The following NPFFR2 variants were observed in gnomAD, a reference collection of about 807,000 sequenced individuals.
The protein encoded by NPFFR2 is G-protein coupled receptor 74.
In NPFFR2, 15 loss-of-function variants were observed where a neutral mutation model predicts 13.1. The observed-to-expected ratio is 1.15, with a 90% CI of 0.77 to 1.76. The LOEUF is 1.76. Among genes scored for constraint, NPFFR2 ranks in the 40% most tolerant of loss-of-function variants. NPFFR2 has a pLI of 0.00. For synonymous variants in NPFFR2, 190 were observed against 175.7 expected (o/e 1.08, Z -0.65); for missense variants, 572 against 503.5 (o/e 1.14, Z -1.30).
At chr4:72,034,390 A>C (rs1718992803) in intron 1 of NPFFR2, among the ~76,000 whole-genome samples, 2 of 152,192 alleles carry the variant, frequency 1.3e-5, no homozygotes, top group East Asian at 3.9e-4. Flanking sequence ...ACGAAGGAGA[A>C]ACGCCAAGCC....
chr4:72,127,303 CA>C (rs772559589), intron 1 of NPFFR2, among the ~76,000 whole-genome samples: 245 of 11,396 alleles, frequency 0.021, no homozygotes, highest in African/African-American at 0.066. Flanking sequence ...GACTCCATCT[CA>C]AAAAAAAAAA....
chr4:72,067,719 T>C (rs1720115107), intron 1 of NPFFR2, among the ~76,000 whole-genome samples: 1 of 152,210 alleles, frequency 6.6e-6, no homozygotes, highest in African/African-American at 2.4e-5. Context: ...CCACCAAATT[T>C]CCTAGTTCAT....
chr4:72,139,055 G>A (rs916925503), intron 3 of NPFFR2, among the ~76,000 whole-genome samples: 3 of 152,188 alleles, frequency 2.0e-5, no homozygotes, highest in Non-Finnish European at 4.4e-5. Flanking sequence ...CTGCACAAAT[G>A]TCTTCTTTTG....
chr4:72,066,720 A>C (rs540315468), intron 1 of NPFFR2, among the ~76,000 whole-genome samples: 2 of 152,306 alleles, frequency 1.3e-5, no homozygotes, highest in African/African-American at 2.4e-5. Context: ...ACAACACTCT[A>C]TCTTAAGCCT....
At position 72,066,601 on chromosome 4, in the gene NPFFR2, A is replaced by T. The variant is rs556970154; in HGVS notation, c.-8+34401A>T. Among the ~76,000 whole-genome samples, 4 of 145,496 alleles carry T rather than the reference A, an allele frequency of 2.7e-5. No homozygotes were observed. The South Asian group carries it at 8.8e-4, about 32-fold the overall frequency. ...AATTAAAAAAGTTATGTGCTTCCAAAATAGGTGGTGGGATGGGCACAAGTT... is the reference window on the plus strand; with the variant it reads ...AATTAAAAAAGTTATGTGCTTCCAATATAGGTGGTGGGATGGGCACAAGTT... On this transcript the variant is annotated intron_variant, in intron 1 of 3. Transcript: ENST00000308744.
intron 1 of NPFFR2, among the ~76,000 whole-genome samples, chr4:72,076,491 T>C (rs530219954): frequency 1.3e-5 from 2 of 152,262 alleles, no homozygotes; most frequent in Admixed American, 1.3e-4. Context: ...AATACAGGGC[T>C]TTGGAGTGCC....
intron 1 of NPFFR2, among the ~76,000 whole-genome samples, chr4:72,053,390 A>G (rs1049504588): frequency 2.6e-5 from 4 of 151,872 alleles, no homozygotes; most frequent in Non-Finnish European, 5.9e-5. Context: ...GTCCCCAGAA[A>G]GAGAAAGTTT....
chr4:72,045,791 T>C (rs543119211), intron 1 of NPFFR2, among the ~76,000 whole-genome samples: 1 of 152,172 alleles, frequency 6.6e-6, no homozygotes, highest in Non-Finnish European at 1.5e-5. Context: ...GTATGGTTTC[T>C]GTTAAATGCA....
At chr4:72,071,842 C>A (rs1170808433) in intron 1 of NPFFR2, among the ~76,000 whole-genome samples, 2 of 152,134 alleles carry the variant, frequency 1.3e-5, no homozygotes, top group Non-Finnish European at 2.9e-5. Context: ...AAGTGACTGC[C>A]AGGGCCAATG....
rs11309179 is a variant in NPFFR2 at position 72,037,403 on chromosome 4, G to GA, written c.-8+5221dup. On this transcript the variant is annotated intron_variant, in intron 1 of 3. Transcript: ENST00000308744. ...TCGGCAACAGAGCAAGATCTTGTTT[G>GA]AAAAAAAAAAAAAAAAAAGGACCTC... Among the ~76,000 whole-genome samples the GA allele has an allele frequency of 5.9e-3, 764 of 130,178 alleles. 6 individuals carry two copies. The highest frequency in any genetic ancestry group is 0.02 in the African/African-American group (694 of 34,044). The allele number at this position is 130,178 out of a possible 152,430, so 85.4% of individuals were successfully genotyped here.
At chr4:72,127,097 T>C (rs1722069791) in intron 1 of NPFFR2, among the ~76,000 whole-genome samples, 1 of 151,370 alleles carries the variant, frequency 6.6e-6, no homozygotes, top group Non-Finnish European at 1.5e-5. Flanking sequence ...GGTCAGGAGA[T>C]CCAGACCATC....
At chr4:72,107,145 A>C (rs1721440312) in intron 1 of NPFFR2, among the ~76,000 whole-genome samples, 1 of 151,680 alleles carries the variant, frequency 6.6e-6, no homozygotes, top group South Asian at 2.1e-4. Context: ...ACTAATTCAA[A>C]CATTACAATA....
At chr4:72,089,706 A>C (rs28768804) in intron 1 of NPFFR2, among the ~76,000 whole-genome samples, 4,432 of 152,096 alleles carry the variant, frequency 0.029, 172 homozygotes, top group African/African-American at 0.09. Context: ...TTCCTTGTAG[A>C]TTCTGGATAT....
intron 1 of NPFFR2, among the ~76,000 whole-genome samples, chr4:72,089,395 C>T (rs370862881): frequency 3.0e-4 from 46 of 152,232 alleles, no homozygotes; most frequent in African/African-American, 1.1e-3. Context: ...TTAAAGGAAT[C>T]TTCACACTCT....
intron 1 of NPFFR2, among the ~76,000 whole-genome samples, chr4:72,096,902 A>C (rs1012954954): frequency 3.9e-5 from 6 of 152,118 alleles, no homozygotes; most frequent in African/African-American, 1.4e-4. Context: ...TCATAAATTG[A>C]GGACTGTCTA....
At chr4:72,117,516 A>G (rs1014306573) in intron 1 of NPFFR2, among the ~76,000 whole-genome samples, 6 of 152,202 alleles carry the variant, frequency 3.9e-5, no homozygotes, top group Non-Finnish European at 7.3e-5. Flanking sequence ...GATGTGCACA[A>G]TTGGCTCTCA....
At chr4:72,117,772 A>T (rs1202159403) in intron 1 of NPFFR2, among the ~76,000 whole-genome samples, 1 of 152,222 alleles carries the variant, frequency 6.6e-6, no homozygotes, top group Non-Finnish European at 1.5e-5. Context: ...CACCTGCTTC[A>T]GGAATCCAAT....
chr4:72,122,186 T>G (rs192968982), intron 1 of NPFFR2, among the ~76,000 whole-genome samples: 10 of 152,168 alleles, frequency 6.6e-5, no homozygotes, highest in African/African-American at 2.2e-4. Flanking sequence ...AAGGGATCAA[T>G]GCAACCAGAA....
chr4:72,051,065 A>G (rs867868269), intron 1 of NPFFR2, among the ~76,000 whole-genome samples: 4 of 152,020 alleles, frequency 2.6e-5, no homozygotes, highest in South Asian at 2.1e-4. Context: ...TAGTGCCGCA[A>G]TAAACATACG....
Sources: gnomAD v4.1 joint callset for allele counts (sites outside exome capture counted in the v4.1 genomes callset) on GRCh38, gnomAD v4.1.1 for gene constraint, MANE v1.5 for transcripts, NCBI Gene and HGNC (gene_info 2026-07-23, HGNC 2026-07-21) for gene names.